Variants in BUB1 observed in about 807,000 individuals in gnomAD.
The protein encoded by BUB1 is mitotic checkpoint serine/threonine-protein kinase BUB1.
Under a neutral mutation model 135.2 loss-of-function variants are expected in BUB1, and 84 were observed. That is an observed-to-expected ratio of 0.62 (90% confidence interval 0.52 to 0.74). The LOEUF is 0.74. Ranked by LOEUF, BUB1 falls within the 30% of genes least tolerant of loss-of-function variation. BUB1 has a pLI of 0.00. For synonymous variants in BUB1, 403 were observed against 434.4 expected (o/e 0.93, Z 0.90); for missense variants, 1,162 against 1,288.3 (o/e 0.90, Z 1.50).
intron 1 of BUB1, among the ~76,000 whole-genome samples, chr2:110,676,368 T>C (rs964596360): frequency 6.6e-6 from 1 of 152,296 alleles, no homozygotes; most frequent in East Asian, 1.9e-4. Context: ...GGTGCAGCAA[T>C]AAGAAACAGG....
Position 110,653,537 on chromosome 2 carries a change from A to G in BUB1, c.1877-14T>C. ...CTACCACATTTTCTGAAAGATTCAA[A>G]AATTAGAGACAAGATATGTTAGATG... On this transcript the variant is annotated splice_polypyrimidine_tract_variant and intron_variant, in intron 16 of 24. Coordinates refer to ENST00000302759, the MANE Select transcript of BUB1 (RefSeq NM_004336.5). The G allele has an allele frequency of 3.1e-6, 5 of 1,609,380 alleles. No individual in the cohort carries two copies. Among genetic ancestry groups the G allele is most frequent in the Non-Finnish European group, 4.3e-6 (5 of 1,175,890 alleles).
intron 9 of BUB1, among the ~76,000 whole-genome samples, chr2:110,662,942 G>A (rs1427861498): frequency 6.6e-6 from 1 of 152,154 alleles, no homozygotes; most frequent in African/African-American, 2.4e-5. Context: ...TACCAAATTA[G>A]TAAAGATTAA....
At chr2:110,670,848 C>T (rs1472858121) in intron 4 of BUB1, among the ~76,000 whole-genome samples, 4 of 152,190 alleles carry the variant, frequency 2.6e-5, no homozygotes, top group Admixed American at 1.3e-4. Context: ...CTCTTCTCCA[C>T]GTGTCAAGTC....
chr2:110,649,432 A>G, intron 18 of BUB1, 55 bp from the exon 19 acceptor site: 1 of 1,459,818 alleles, frequency 6.9e-7, no homozygotes. Context: ...GTACTCAAGA[A>G]CTTTACCAAA....
intron 13 of BUB1, 37 bp downstream of exon 13, chr2:110,658,373 A>C: frequency 6.6e-7 from 1 of 1,514,284 alleles, no homozygotes; most frequent in South Asian, 1.2e-5. Context: ...AACCACCTAT[A>C]ATGCTATGCA....
At chr2:110,677,371 T>A (rs1398020874) in intron 1 of BUB1, among the ~76,000 whole-genome samples, 2 of 152,208 alleles carry the variant, frequency 1.3e-5, no homozygotes, top group African/African-American at 4.8e-5. Context: ...TGCCTTTAAG[T>A]AACAGTCTGG....
chr2:110,664,989 G>C (rs921996759), intron 9 of BUB1, among the ~76,000 whole-genome samples: 1 of 152,152 alleles, frequency 6.6e-6, no homozygotes, highest in African/African-American at 2.4e-5. Context: ...TGCACAGTCC[G>C]AAGTTTATAG....
Position 110,672,862 on chromosome 2 carries a change from A to T in BUB1, c.226-5T>A. 6.3e-7 allele frequency: 1 copy of T among 1,575,436 alleles called. No homozygotes were observed. Among genetic ancestry groups the T allele is most frequent in the Non-Finnish European group, 8.6e-7 (1 of 1,161,988 alleles). Reference sequence around the variant, plus strand: ...GAGGTCACTGTTGTACTCAGCCTACACGAACCCAAAACAAAAAGACATAAG... The same window carrying T: ...GAGGTCACTGTTGTACTCAGCCTACTCGAACCCAAAACAAAAAGACATAAG... On this transcript the variant is annotated splice_polypyrimidine_tract_variant and splice_region_variant and intron_variant, in intron 3 of 24. Transcript: ENST00000302759.
intron 17 of BUB1, among the ~76,000 whole-genome samples, chr2:110,652,405 T>G (rs1689811223): frequency 6.6e-6 from 1 of 152,218 alleles, no homozygotes; most frequent in Admixed American, 6.5e-5. Context: ...AGTATAGTGC[T>G]GAAGTGCTCT....
At chr2:110,669,950 A>T (rs572021961) in intron 5 of BUB1, among the ~76,000 whole-genome samples, 4 of 151,428 alleles carry the variant, frequency 2.6e-5, no homozygotes, top group Non-Finnish European at 4.4e-5. Context: ...ATTTTGAATT[A>T]AAAAAAAATC....
chr2:110,644,285 G>A (rs1689585832), intron 19 of BUB1, among the ~76,000 whole-genome samples: 1 of 151,594 alleles, frequency 6.6e-6, no homozygotes. Context: ...AGGAGTTCAA[G>A]GCCAACATGA....
chr2:110,664,701 ATTAACAATTTC>A (rs1018938060), intron 9 of BUB1, among the ~76,000 whole-genome samples: 14 of 152,106 alleles, frequency 9.2e-5, no homozygotes, highest in Admixed American at 3.3e-4. Flanking sequence ...AGAACAATTT[ATTAACAATTTC>A]TTGCAACTAT....
At chr2:110,666,233 A>G (rs1690251332) in intron 9 of BUB1, 30 bp downstream of exon 9, 1 of 1,322,572 alleles carries the variant, frequency 7.6e-7, no homozygotes, top group African/African-American at 1.5e-5. Flanking sequence ...GCTGCTGGGC[A>G]CAGGATGTGT....
chr2:110,660,391 AC>A (rs1376194475), intron 10 of BUB1, among the ~76,000 whole-genome samples: 6 of 152,218 alleles, frequency 3.9e-5, no homozygotes, highest in African/African-American at 7.2e-5. Flanking sequence ...CAAAAAAAAA[AC>A]AAAACAAAAA....
intron 5 of BUB1, 90 bp from the exon 6 acceptor site, chr2:110,669,643 G>T: frequency 1.3e-6 from 1 of 778,288 alleles, no homozygotes; most frequent in Non-Finnish European, 2.1e-6. Flanking sequence ...GATCCTTCCA[G>T]TAGGAATCAT....
intron 1 of BUB1, chr2:110,675,286 T>A (rs1559177043): frequency 6.6e-6 from 1 of 152,094 alleles, no homozygotes; most frequent in Non-Finnish European, 1.5e-5. Context: ...AAATAACATA[T>A]AATAGGAGAA....
rs1689712073 is a variant in BUB1 at position 110,648,894 on chromosome 2, T to C, written c.2347+340A>G. On this transcript the variant is annotated intron_variant, in intron 19 of 24. Transcript: ENST00000302759. This position sits in a 1 kb window ranked among gnomAD's most constrained non-coding sequence, Gnocchi z 4.2. Reference sequence around the variant, plus strand: ...GTACAGAGTGAGCTTTCTTGTTCTGTTGCCAATGTTACTATAGTATTTTAC... The same window carrying C: ...GTACAGAGTGAGCTTTCTTGTTCTGCTGCCAATGTTACTATAGTATTTTAC... The C allele has an allele frequency of 6.3e-6, 1 of 159,390 alleles. No homozygotes were observed. The highest frequency in any genetic ancestry group is 1.4e-5 in the Non-Finnish European group (1 of 72,698). The allele number at this position is 159,390 out of a possible 1,614,324, so 9.9% of individuals were successfully genotyped here.
chr2:110,655,024 C>T (rs1689890007), intron 16 of BUB1, among the ~76,000 whole-genome samples: 1 of 152,172 alleles, frequency 6.6e-6, no homozygotes, highest in Non-Finnish European at 1.5e-5. Context: ...TGGAACCAAT[C>T]CTCTGTGGAT....
Position 110,669,493 on chromosome 2 carries a change from G to A in BUB1, c.527C>T (p.Ser176Leu), listed in dbSNP as rs1690358609. Residue 176 changes from serine to leucine, a missense_variant, in exon 6 of 25, where the codon TCA becomes TTA. Transcript: ENST00000302759. ...GCAGGCCATGTTATTTCCTGGATTTGATTTTGATGTTATCATTTGATTTAA... is the reference window on the plus strand; with the variant it reads ...GCAGGCCATGTTATTTCCTGGATTTAATTTTGATGTTATCATTTGATTTAA... ...QVLNQMITSK[S>L]NPGNNMACIS... 1 of 1,607,822 alleles carries A rather than the reference G, an allele frequency of 6.2e-7. No individual in the cohort carries two copies. Among genetic ancestry groups the A allele is most frequent in the African/African-American group, 1.3e-5 (1 of 74,864 alleles).
Sources: gnomAD v4.1 joint callset for allele counts (sites outside exome capture counted in the v4.1 genomes callset) on GRCh38, gnomAD v4.1.1 for gene constraint, Gnocchi (gnomAD v3.1) non-coding constraint, MANE v1.5 for transcripts, NCBI Gene and HGNC (gene_info 2026-07-23, HGNC 2026-07-21) for gene names.